Variants in RHOH observed in about 807,000 individuals in gnomAD.
The protein encoded by RHOH is ras homolog family member H, also known as rho-related GTP-binding protein RhoH.
Under a neutral mutation model 13.8 loss-of-function variants are expected in RHOH, and 6 were observed. That is an observed-to-expected ratio of 0.44 (90% CI 0.24 to 0.86). The LOEUF (loss-of-function observed/expected upper bound fraction) is 0.86. Ranked by LOEUF, RHOH falls within the 40% of genes least tolerant of loss-of-function variation. The probability of loss-of-function intolerance (pLI) is 0.24; values close to 1 mark genes in which losing one functional copy is unlikely to be tolerated. For missense variants in RHOH, 147 were observed against 244.5 expected, an observed-to-expected ratio of 0.60 and a Z score of 2.66; for synonymous variants, 117 against 103.0, an observed-to-expected ratio of 1.14 and a Z score of -0.82.
chr4:40,215,835 G>A (rs530206185), intron 1 of RHOH, among the ~76,000 whole-genome samples: 3 of 152,288 alleles, frequency 2.0e-5, no homozygotes, highest in Non-Finnish European at 2.9e-5. Context: ...CATGAGAATC[G>A]CTTGAACCTG....
At chr4:40,220,980 A>C (rs867406735) in intron 1 of RHOH, among the ~76,000 whole-genome samples, 7 of 152,358 alleles carry the variant, frequency 4.6e-5, no homozygotes, top group Middle Eastern at 6.8e-3. Flanking sequence ...TAAAAAGTAC[A>C]TATGTCTATA....
chr4:40,234,970 G>A (rs1728379272), intron 1 of RHOH, among the ~76,000 whole-genome samples: 1 of 152,004 alleles, frequency 6.6e-6, no homozygotes, highest in Admixed American at 6.6e-5. Flanking sequence ...AAAGTACACT[G>A]ACTTAAAAAT....
Position 40,243,857 on chromosome 4 carries a change from G to C in RHOH, c.471G>C (p.Arg157=). 1.2e-6 allele frequency: 2 copies of C among 1,614,188 alleles called. 1 individual carries two copies. The highest frequency in any genetic ancestry group is 1.7e-6 in the Non-Finnish European group (2 of 1,180,026). Residue 157 remains arginine, a synonymous_variant, in exon 3 of 3, where the codon CGG becomes CGC. Coordinates refer to ENST00000381799, the MANE Select transcript of RHOH (RefSeq NM_004310.5). The surrounding 1 kb of genome is among the most constrained non-coding windows in gnomAD (Gnocchi z 6.2). ...TGGAGTGCTCAGCCCTTAGCAATCG[G>C]GGAGTACAGCAGGTGTTTGAGTGCG... ...GYLECSALSN[R]GVQQVFECAV...
intron 1 of RHOH, among the ~76,000 whole-genome samples, chr4:40,234,780 G>C (rs965104872): frequency 8.2e-5 from 9 of 109,524 alleles, no homozygotes; most frequent in African/African-American, 3.3e-4. Flanking sequence ...TGTAGAAACA[G>C]GGTCTTGCTA....
At chr4:40,239,149 A>G (rs1728956215) in intron 1 of RHOH, among the ~76,000 whole-genome samples, 1 of 152,126 alleles carries the variant, frequency 6.6e-6, no homozygotes, top group Admixed American at 6.5e-5. Flanking sequence ...TTGTTTTCGT[A>G]TTCACTGCAG....
chr4:40,193,392 C>T (rs1722805277), upstream of RHOH, among the ~76,000 whole-genome samples: 1 of 151,584 alleles, frequency 6.6e-6, no homozygotes, highest in African/African-American at 2.4e-5. Flanking sequence ...GCGTGTATGT[C>T]TGTGAATGTT....
intron 1 of RHOH, among the ~76,000 whole-genome samples, chr4:40,222,489 C>G (rs1419805477): frequency 6.6e-6 from 1 of 152,202 alleles, no homozygotes; most frequent in Non-Finnish European, 1.5e-5. Context: ...TGCCTGTGCT[C>G]TATAAATGGA....
intron 1 of RHOH, among the ~76,000 whole-genome samples, chr4:40,234,557 G>T (rs1260149845): frequency 6.6e-6 from 1 of 152,054 alleles, no homozygotes; most frequent in Non-Finnish European, 1.5e-5. Flanking sequence ...GGACCAGAGG[G>T]CAGGACACAC....
chr4:40,234,607 A>G (rs1239109792), intron 1 of RHOH, among the ~76,000 whole-genome samples: 1 of 152,188 alleles, frequency 6.6e-6, no homozygotes, highest in African/African-American at 2.4e-5. Context: ...TTGAAATAAT[A>G]AAAGGCTTCA....
rs1209778057 is a variant in RHOH, at chr4:40,243,284, C to T, written c.-103C>T. ...AGAGGTCCTGAGGACACAGACCTAC[C>T]TGGCTTGCATTCCCCTTGCTGAATG... On this transcript the variant is annotated 5_prime_UTR_variant, in exon 3 of 3. Coordinates refer to ENST00000381799, the MANE Select transcript of RHOH (RefSeq NM_004310.5). The surrounding 1 kb of genome is among the most constrained non-coding windows in gnomAD (Gnocchi z 6.2). The T allele has an allele frequency of 2.3e-5, 23 of 989,152 alleles. No homozygotes were observed. The highest frequency in any genetic ancestry group is 3.3e-4 in the Middle Eastern group (1 of 3,036). 61.3% of individuals were successfully genotyped at this position (989,152 alleles called of 1,614,324 possible). A position where few individuals can be genotyped will look rare whatever the true frequency, so the allele number is the denominator to read the frequency against.
chr4:40,238,480 C>T (rs1188649048), intron 1 of RHOH, among the ~76,000 whole-genome samples: 1 of 152,226 alleles, frequency 6.6e-6, no homozygotes, highest in African/African-American at 2.4e-5. Context: ...TAATCCCTCA[C>T]TTGTGTCTAT....
At chr4:40,236,272 T>C (rs73148007) in intron 1 of RHOH, among the ~76,000 whole-genome samples, 2,851 of 152,340 alleles carry the variant, frequency 0.019, 89 homozygotes, top group African/African-American at 0.065. Context: ...TGTTCACGAT[T>C]ATTTCCTCAG....
rs747044079 is a variant in RHOH, at chr4:40,245,436, G to A, written c.*1474G>A. 1 of 151,802 alleles carries A rather than the reference G, an allele frequency of 6.6e-6. No homozygotes were observed. Among genetic ancestry groups the A allele is most frequent in the African/African-American group, 2.4e-5 (1 of 41,242 alleles). The allele number at this position is 151,802 out of a possible 1,614,324, so 9.4% of individuals were successfully genotyped here. ...TGCCTGTAGTTCTAGCTACTCAAGA[G>A]GCTGAGGCAAAAGAATTGCTCGAAC... is the stretch of plus-strand genomic sequence containing the variant. On this transcript the variant is annotated 3_prime_UTR_variant, in exon 3 of 3. Transcript: ENST00000381799.
At chr4:40,195,402 CTT>C (rs1723033050), upstream of RHOH, among the ~76,000 whole-genome samples, 2 of 142,050 alleles carry the variant, frequency 1.4e-5, no homozygotes, top group African/African-American at 5.2e-5. Context: ...TCCTTCCTTC[CTT>C]CCTTCCTTCC....
chr4:40,232,941 C>T (rs12502780), intron 1 of RHOH, among the ~76,000 whole-genome samples: 64,586 of 151,760 alleles, frequency 0.43, 16,426 homozygotes, highest in Non-Finnish European at 0.56. Flanking sequence ...TCTCCCATCT[C>T]GAGAATTAAT....
intron 1 of RHOH, among the ~76,000 whole-genome samples, chr4:40,224,823 AACAAAGGAG>A (rs1179817021): frequency 6.6e-6 from 1 of 152,284 alleles, no homozygotes; most frequent in Non-Finnish European, 1.5e-5. Context: ...AATTTGAAAC[AACAAAGGAG>A]AATGCAAACT....
At chr4:40,240,205 T>C (rs1729076144) in intron 1 of RHOH, 1 of 152,184 alleles carries the variant, frequency 6.6e-6, no homozygotes, top group Non-Finnish European at 1.5e-5. Flanking sequence ...GGGCTGAGTG[T>C]GGTGACTCAT....
upstream of RHOH, among the ~76,000 whole-genome samples, chr4:40,196,692 CTTTT>C (rs397768063): frequency 9.3e-5 from 11 of 117,678 alleles, no homozygotes; most frequent in Non-Finnish European, 1.7e-4. Context: ...GTGGCATGGA[CTTTT>C]TTTTTTTTTT....
chr4:40,199,040 C>A (rs1723607462), intron 1 of RHOH, among the ~76,000 whole-genome samples: 1 of 152,114 alleles, frequency 6.6e-6, no homozygotes, highest in Admixed American at 6.5e-5. Context: ...CCCATTCTAT[C>A]ATTCTATCAT....
Sources: gnomAD v4.1 joint callset for allele counts (sites outside exome capture counted in the v4.1 genomes callset) on GRCh38, gnomAD v4.1.1 for gene constraint, Gnocchi (gnomAD v3.1) non-coding constraint, MANE v1.5 for transcripts, NCBI Gene and HGNC (gene_info 2026-07-23, HGNC 2026-07-21) for gene names.